RELT: variants seen among roughly 807,000 people sequenced by gnomAD.
The protein encoded by RELT is tumor necrosis factor receptor superfamily member 19L.
In RELT, 37 loss-of-function variants were observed where a neutral mutation model predicts 51.1. The ratio of observed to expected loss-of-function variants is 0.72; its 90% CI spans 0.56 to 0.95. The LOEUF (loss-of-function observed/expected upper bound fraction) is 0.95, where lower values mean the gene tolerates loss of function less well. Among genes scored for constraint, RELT ranks in the 40% least tolerant of loss-of-function variants. The pLI is 0.00. For synonymous variants in RELT, 241 were observed against 235.7 expected (o/e 1.02, Z -0.21); for missense variants, 535 against 572.6 (o/e 0.93, Z 0.67).
chr11:73,392,755 T>G lies in RELT; in HGVS notation c.625+287T>G, dbSNP rs1188818982. 2.9e-6 allele frequency: 4 copies of G among 1,361,976 alleles called. No homozygotes were observed. In the African/African-American group the frequency reaches 5.9e-5, roughly 20 times the overall value. The allele number at this position is 1,361,976 out of a possible 1,614,324, so 84.4% of individuals were successfully genotyped here. A position where few individuals can be genotyped will look rare whatever the true frequency, so the allele number is the denominator to read the frequency against. On this transcript the variant is annotated intron_variant, in intron 6 of 10. Transcript: ENST00000064780. ...ATCTGGACTCTTTGGAGGCCACAGTTGTGTGTATGGTTCCAGGGTCGGATG... is the reference window on the plus strand; with the variant it reads ...ATCTGGACTCTTTGGAGGCCACAGTGGTGTGTATGGTTCCAGGGTCGGATG...
intron 6 of RELT, 148 bp from the exon 7 acceptor site, chr11:73,393,689 T>C: frequency 1.3e-6 from 2 of 1,587,280 alleles, no homozygotes; most frequent in Non-Finnish European, 1.7e-6. Flanking sequence ...GATCCCACAT[T>C]TGCAGGGCTC....
At chr11:73,381,362 G>A (rs980057861) in intron 1 of RELT, among the ~76,000 whole-genome samples, 4 of 152,162 alleles carry the variant, frequency 2.6e-5, no homozygotes, top group Non-Finnish European at 5.9e-5. Flanking sequence ...TGCATGCACT[G>A]TGAGGAGGAG....
Position 73,393,822 on chromosome 11 carries a change from C to A in RELT, c.626-15C>A. 1 of 1,613,212 alleles carries A rather than the reference C, an allele frequency of 6.2e-7. No homozygotes were observed. The highest frequency in any genetic ancestry group is 1.1e-5 in the South Asian group (1 of 91,048). ...TCCCCCTCTTCCCCAGGATCAGGGC[C>A]CTTCTCTTCCCCAGGAATCAACCCT... On this transcript the variant is annotated splice_polypyrimidine_tract_variant and intron_variant, in intron 6 of 10. Coordinates refer to ENST00000064780, the MANE Select transcript of RELT (RefSeq NM_152222.2).
rs530886982 is a variant in RELT, at chr11:73,379,177, G to A, written c.-26+2678G>A. Among the ~76,000 whole-genome samples the A allele has an allele frequency of 2.0e-5, 3 of 152,326 alleles. No homozygotes were observed. The South Asian group carries it at 6.2e-4, about 32-fold the overall frequency. Reference sequence around the variant, plus strand: ...CTTCTTGGGGCTGATGAAAATAGCTGTCGTGGTCTCTAGGGGCTGAGCCGG... The same window carrying A: ...CTTCTTGGGGCTGATGAAAATAGCTATCGTGGTCTCTAGGGGCTGAGCCGG... On this transcript the variant is annotated intron_variant, in intron 1 of 10. Coordinates refer to ENST00000064780, the MANE Select transcript of RELT (RefSeq NM_152222.2).
chr11:73,383,256 C>T (rs991379766), intron 1 of RELT, among the ~76,000 whole-genome samples: 6 of 152,238 alleles, frequency 3.9e-5, no homozygotes, highest in African/African-American at 1.4e-4. Flanking sequence ...AGCCTCTGCA[C>T]ATCTCTGAGC....
Position 73,395,281 on chromosome 11 carries a change from C to T in RELT, c.1241C>T (p.Ala414Val). Reference sequence around the variant, plus strand: ...CTGAAGCCCCCAGCAGAGAACAAGGCCGAGGTGAGAGTCAAGGAGAAAGGC... The same window carrying T: ...CTGAAGCCCCCAGCAGAGAACAAGGTCGAGGTGAGAGTCAAGGAGAAAGGC... The part of the protein sequence containing the change: ...KWLKPPAENK[A>V]EENRYVVRLS... The change falls in exon 10 of 11, where the codon GCC becomes GTC. Residue 414 changes from alanine to valine, a missense_variant. Transcript: ENST00000064780. 1 of 1,612,702 alleles carries T rather than the reference C, an allele frequency of 6.2e-7. No individual in the cohort carries two copies. Among genetic ancestry groups the T allele is most frequent in the Non-Finnish European group, 8.5e-7 (1 of 1,179,856 alleles).
chr11:73,382,805 C>T (rs1175576810), intron 1 of RELT, among the ~76,000 whole-genome samples: 1 of 152,142 alleles, frequency 6.6e-6, no homozygotes, highest in Admixed American at 6.5e-5. Flanking sequence ...TAGGGAGCCT[C>T]CTCTCTGCCC....
intron 1 of RELT, among the ~76,000 whole-genome samples, chr11:73,386,151 G>A (rs951630020): frequency 6.6e-6 from 1 of 152,248 alleles, no homozygotes; most frequent in African/African-American, 2.4e-5. Flanking sequence ...GGAGTTGGTG[G>A]CAGTGGAGAC....
intron 1 of RELT, among the ~76,000 whole-genome samples, chr11:73,385,505 G>T (rs546972428): frequency 6.6e-6 from 1 of 152,138 alleles, no homozygotes; most frequent in Admixed American, 6.5e-5. Context: ...AACCCTCCCC[G>T]CCTCGTGAGC....
chr11:73,377,400 A>C (rs1260732598), intron 1 of RELT, among the ~76,000 whole-genome samples: 1 of 151,988 alleles, frequency 6.6e-6, no homozygotes, highest in Non-Finnish European at 1.5e-5. Flanking sequence ...CCAGGAGACA[A>C]GGGTCTCCAG....
rs779169779 is a variant in RELT, at chr11:73,395,086, G to A, written c.1047-1G>A. ...GGATGATTGCCCCACTCTCCTCACAGGTTCCGCGTGGCTCGAATTCCTGAG... is the reference window on the plus strand; with the variant it reads ...GGATGATTGCCCCACTCTCCTCACAAGTTCCGCGTGGCTCGAATTCCTGAG... On this transcript the variant is annotated splice_acceptor_variant, in intron 9 of 10. Transcript: ENST00000064780. LOFTEE classifies it high-confidence loss of function. The A allele has an allele frequency of 6.2e-7, 1 of 1,612,702 alleles. No homozygotes were observed.
intron 6 of RELT, chr11:73,392,941 A>G: frequency 9.9e-7 from 1 of 1,007,616 alleles, no homozygotes; most frequent in Non-Finnish European, 1.2e-6. Flanking sequence ...CAAGGCCTGG[A>G]ACCGGAGGGA....
At position 73,394,458 on chromosome 11, in the gene RELT, C is replaced by A. The variant is rs1208417812; in HGVS notation, c.789-19C>A. The A allele has an allele frequency of 6.2e-7, 1 of 1,609,504 alleles. No homozygotes were observed. The highest frequency in any genetic ancestry group is 8.5e-7 in the Non-Finnish European group (1 of 1,177,272). Reference sequence around the variant, plus strand: ...CCCCTGGCCTGGCCTATGGCCACTTCTGCCTGTGCCCCCTGCAGGCTGCCG... The same window carrying A: ...CCCCTGGCCTGGCCTATGGCCACTTATGCCTGTGCCCCCTGCAGGCTGCCG... On this transcript the variant is annotated intron_variant, in intron 8 of 10. Coordinates refer to ENST00000064780, the MANE Select transcript of RELT (RefSeq NM_152222.2). This position sits in a 1 kb window ranked among gnomAD's most constrained non-coding sequence, Gnocchi z 4.9.
intron 1 of RELT, among the ~76,000 whole-genome samples, chr11:73,379,926 C>T (rs956696885): frequency 2.0e-5 from 3 of 152,272 alleles, no homozygotes; most frequent in Non-Finnish European, 4.4e-5. Context: ...CTCTCCTTGC[C>T]AGATGCCTTG....
Position 73,394,586 on chromosome 11 carries a change from C to G in RELT, c.898C>G (p.Gln300Glu). ...TGGCCCCTGCTGCTCCCGCTGTAGC[C>G]AGAAGAAGTGGCCCGAGGTGCTGCT... Reference protein sequence around the residue: ...LSGPCCSRCSQKKWPEVLLSP... With the variant: ...LSGPCCSRCSEKKWPEVLLSP... The change falls in exon 9 of 11, where the codon CAG (glutamine) becomes GAG (glutamate). Residue 300 changes from glutamine (Q) to glutamate (E), a missense_variant. Gln to Glu is a conservative substitution (Grantham distance 29). Transcript: ENST00000064780. The surrounding 1 kb of genome is among the most constrained non-coding windows in gnomAD (Gnocchi z 4.9). 1 of 1,613,130 alleles carries G rather than the reference C, an allele frequency of 6.2e-7. No homozygotes were observed. The highest frequency in any genetic ancestry group is 8.5e-7 in the Non-Finnish European group (1 of 1,180,010).
chr11:73,378,678 A>ATG lies in RELT; in HGVS notation c.-26+2190_-26+2191dup, dbSNP rs564285402. On this transcript the variant is annotated intron_variant, in intron 1 of 10. Coordinates refer to ENST00000064780, the MANE Select transcript of RELT (RefSeq NM_152222.2). ...CATTACATTGTGAGTTCTAAGTATG[A>ATG]TGTGTGTGTGTGCACACATGTCTGG... Among the ~76,000 whole-genome samples, 8 of 152,246 alleles carry ATG rather than the reference A, an allele frequency of 5.3e-5. No individual in the cohort carries two copies. In the East Asian group the frequency reaches 5.8e-4, roughly 11 times the overall value.
intron 1 of RELT, among the ~76,000 whole-genome samples, chr11:73,382,085 T>C (rs1866058959): frequency 6.6e-6 from 1 of 152,184 alleles, no homozygotes; most frequent in Non-Finnish European, 1.5e-5. Context: ...ATCTGCGAAG[T>C]GACAGAGCCA....
At chr11:73,386,590 GAGAAGGTGCGTAATT>G (rs1325882508) in intron 1 of RELT, among the ~76,000 whole-genome samples, 1 of 152,204 alleles carries the variant, frequency 6.6e-6, no homozygotes, top group Non-Finnish European at 1.5e-5. Context: ...TTGGGGTAAT[GAGAAGGTGCGTAATT>G]AGAAGGTGCA....
chr11:73,392,074 C>T (rs1866223720), intron 5 of RELT, 137 bp from the exon 6 acceptor site: 2 of 1,006,780 alleles, frequency 2.0e-6, no homozygotes, highest in Non-Finnish European at 2.9e-6. Flanking sequence ...CCTTTGCATC[C>T]CCAGCATGGC....
Sources: allele counts gnomAD v4.1 joint callset (sites outside exome capture counted in the v4.1 genomes callset), GRCh38; gene constraint gnomAD v4.1.1; non-coding constraint Gnocchi (gnomAD v3.1); transcripts MANE v1.5; gene names NCBI Gene and HGNC (gene_info 2026-07-23, HGNC 2026-07-21).